EPB41L3: variants seen among roughly 807,000 people sequenced by gnomAD.
EPB41L3 encodes band 4.1-like protein 3.
A neutral mutation model predicts 127.1 loss-of-function variants in EPB41L3; 57 were observed. That is an observed-to-expected ratio of 0.45 (90% confidence interval 0.36 to 0.56). The LOEUF is 0.56. Among genes scored for constraint, EPB41L3 ranks in the 20% least tolerant of loss-of-function variants. EPB41L3 has a pLI of 0.00. For missense variants in EPB41L3, 1,273 were observed against 1,372.2 expected, an observed-to-expected ratio of 0.93 and a Z score of 1.14; for synonymous variants, 572 against 549.5, an observed-to-expected ratio of 1.04 and a Z score of -0.57.
intron 1 of EPB41L3, among the ~76,000 whole-genome samples, chr18:5,524,930 G>A (rs144085592): frequency 6.6e-6 from 1 of 152,154 alleles, no homozygotes. Flanking sequence ...CAAAGCAAGT[G>A]GGGGAGGGGC....
At chr18:5,433,171 T>C (rs981216475) in intron 8 of EPB41L3, among the ~76,000 whole-genome samples, 11 of 152,192 alleles carry the variant, frequency 7.2e-5, no homozygotes, top group Admixed American at 6.5e-4. Flanking sequence ...AAGTCTGTTA[T>C]GTCAAGGTAG....
chr18:5,460,674 A>G (rs1231205436), intron 3 of EPB41L3, among the ~76,000 whole-genome samples: 2 of 152,250 alleles, frequency 1.3e-5, no homozygotes, highest in Non-Finnish European at 2.9e-5. Flanking sequence ...ATAAGCTATC[A>G]GAGAGCTGCA....
At chr18:5,615,755 G>A (rs2094787266) in intron 1 of EPB41L3, among the ~76,000 whole-genome samples, 1 of 152,086 alleles carries the variant, frequency 6.6e-6, no homozygotes, top group Non-Finnish European at 1.5e-5. Flanking sequence ...TTCCTTTTAG[G>A]TAACTGTGAT....
At position 5,419,750 on chromosome 18, in the gene EPB41L3, T is replaced by C. The variant is rs762494825; in HGVS notation, c.1467A>G (p.Glu489=). 15 of 1,614,202 alleles carry C rather than the reference T, an allele frequency of 9.3e-6. No homozygotes were observed. The South Asian group carries it at 1.6e-4, about 18-fold the overall frequency. The change falls in exon 12 of 23, where the codon GAA becomes GAG. Residue 489 remains glutamate, a synonymous_variant. Transcript: ENST00000341928. ...GGATGGCCGAGATGGGCGTGACTTC[T>C]TCCCCCTTCCTCCGTTTGTCCTCTT... is the stretch of plus-strand genomic sequence containing the variant. ...DEEEDKRRKG[E]EVTPISAIRH...
chr18:5,519,010 C>T (rs2092873865), intron 1 of EPB41L3, among the ~76,000 whole-genome samples: 1 of 152,180 alleles, frequency 6.6e-6, no homozygotes, highest in African/African-American at 2.4e-5. Context: ...GCAAAGACGT[C>T]ATCTCAGATC....
At chr18:5,541,252 C>A (rs1196724766) in intron 1 of EPB41L3, among the ~76,000 whole-genome samples, 115 of 46,758 alleles carry the variant, frequency 2.5e-3, no homozygotes, top group East Asian at 6.0e-3. Context: ...GACTCCATCT[C>A]AAAAAAAAAA....
intron 1 of EPB41L3, among the ~76,000 whole-genome samples, chr18:5,517,943 A>G (rs1248989181): frequency 6.6e-6 from 1 of 152,046 alleles, no homozygotes; most frequent in Admixed American, 6.5e-5. Flanking sequence ...GAACTCTTCT[A>G]TACCTATGCT....
intron 5 of EPB41L3, among the ~76,000 whole-genome samples, chr18:5,441,518 C>G (rs796275039): frequency 1.4e-5 from 2 of 148,118 alleles, no homozygotes; most frequent in African/African-American, 5.1e-5. Flanking sequence ...CAGGCTGGAG[C>G]GCAGTGGCGC....
At chr18:5,512,306 G>C (rs78743661) in intron 1 of EPB41L3, among the ~76,000 whole-genome samples, 3,102 of 152,288 alleles carry the variant, frequency 0.02, 66 homozygotes, top group East Asian at 0.096. Flanking sequence ...AGAAGACATA[G>C]AGAATGGGCA....
intron 1 of EPB41L3, among the ~76,000 whole-genome samples, chr18:5,515,917 G>C (rs1460053716): frequency 1.3e-5 from 2 of 152,214 alleles, no homozygotes; most frequent in South Asian, 2.1e-4. Flanking sequence ...CAATGGGAGA[G>C]GGAAGCCTGT....
chr18:5,415,799 T>C lies in EPB41L3; in HGVS notation c.2067+19A>G, dbSNP rs774092335. 5.6e-5 allele frequency: 90 copies of C among 1,604,934 alleles called. No individual in the cohort carries two copies. Among genetic ancestry groups the C allele is most frequent in the Middle Eastern group, 2.1e-4 (1 of 4,768 alleles). ...CACGGAACACGAAGGGGAAGCGTGT[T>C]CTATGCCGAGGTACACACCTCTTCC... On this transcript the variant is annotated intron_variant, in intron 13 of 22. Transcript: ENST00000341928.
intron 3 of EPB41L3, among the ~76,000 whole-genome samples, chr18:5,453,906 C>T (rs1046366983): frequency 1.3e-5 from 2 of 152,168 alleles, no homozygotes; most frequent in African/African-American, 4.8e-5. Flanking sequence ...TTTTTCCCCC[C>T]ATGCTTCCTG....
intron 1 of EPB41L3, among the ~76,000 whole-genome samples, chr18:5,621,648 G>A (rs967846091): frequency 1.3e-5 from 2 of 152,194 alleles, no homozygotes; most frequent in African/African-American, 4.8e-5. Context: ...GGCTGAGGCA[G>A]GAGAATCACT....
intron 1 of EPB41L3, among the ~76,000 whole-genome samples, chr18:5,622,458 A>G (rs1482492724): frequency 6.6e-6 from 1 of 152,246 alleles, no homozygotes; most frequent in Admixed American, 6.5e-5. Flanking sequence ...CTGAAACTGC[A>G]GCAGGGTGAG....
chr18:5,529,683 C>T (rs999398006), intron 1 of EPB41L3, among the ~76,000 whole-genome samples: 4 of 152,182 alleles, frequency 2.6e-5, no homozygotes, highest in African/African-American at 9.7e-5. Context: ...GCTCCATAGA[C>T]CTTTTCCTCT....
chr18:5,521,956 C>T (rs896490445), intron 1 of EPB41L3, among the ~76,000 whole-genome samples: 1 of 152,118 alleles, frequency 6.6e-6, no homozygotes, highest in Admixed American at 6.5e-5. Context: ...TAATAAAAAC[C>T]TTAATTATAC....
intron 11 of EPB41L3, 178 bp from the exon 12 acceptor site, chr18:5,420,055 A>G: frequency 7.3e-7 from 1 of 1,364,304 alleles, no homozygotes; most frequent in Non-Finnish European, 9.7e-7. Flanking sequence ...GTTTGCCTTG[A>G]AAAAACAAAT....
chr18:5,465,888 T>C (rs1180457368), intron 3 of EPB41L3, among the ~76,000 whole-genome samples: 1 of 152,062 alleles, frequency 6.6e-6, no homozygotes, highest in African/African-American at 2.4e-5. Flanking sequence ...GATATTCAAC[T>C]GTTAGGGTAT....
At chr18:5,538,019 A>G (rs369285017) in intron 1 of EPB41L3, among the ~76,000 whole-genome samples, 5 of 150,582 alleles carry the variant, frequency 3.3e-5, no homozygotes, top group African/African-American at 7.3e-5. Context: ...GACACTGATT[A>G]TAAGAGATAA....
Sources: gnomAD v4.1 joint callset for allele counts (sites outside exome capture counted in the v4.1 genomes callset) on GRCh38, gnomAD v4.1.1 for gene constraint, MANE v1.5 for transcripts, NCBI Gene and HGNC (gene_info 2026-07-23, HGNC 2026-07-21) for gene names.